Variants in TOP6BL observed in about 807,000 individuals in gnomAD.
TOP6BL encodes TOP6B like initiator of meiotic double strand breaks, also known as type 2 DNA topoisomerase 6 subunit B-like.
the TOP6BL span, chr11:66,761,788 C>A: frequency 1.2e-6 from 1 of 807,000 alleles, no homozygotes; most frequent in African/African-American, 1.7e-5. Context: ...CGCTGGTGGA[C>A]CAAAAGCTAA....
the TOP6BL span, among the ~76,000 whole-genome samples, chr11:66,760,177 C>T: frequency 2.0e-5 from 3 of 152,104 alleles, no homozygotes; most frequent in African/African-American, 7.2e-5. Context: ...TAGCCAGGCC[C>T]AGTGGCTCAT....
the TOP6BL span, chr11:66,828,484 C>A: frequency 1.5e-6 from 1 of 682,302 alleles, no homozygotes; most frequent in Admixed American, 2.5e-5. Context: ...AGCCTTTCAG[C>A]AAGGAAGTCT....
the TOP6BL span, among the ~76,000 whole-genome samples, chr11:66,745,130 T>A: frequency 6.6e-6 from 1 of 151,986 alleles, no homozygotes; most frequent in Non-Finnish European, 1.5e-5. Context: ...AACGACGCCC[T>A]CTCTCCAGCC....
the TOP6BL span, among the ~76,000 whole-genome samples, chr11:66,781,627 C>T: frequency 6.6e-6 from 1 of 152,116 alleles, no homozygotes; most frequent in African/African-American, 2.4e-5. Context: ...GCCTCCAACT[C>T]CTGGGCTCAA....
chr11:66,806,503 C>T, the TOP6BL span, among the ~76,000 whole-genome samples: 1 of 152,186 alleles, frequency 6.6e-6, no homozygotes, highest in Admixed American at 6.5e-5. Flanking sequence ...CACGGTGGCT[C>T]ATGCCTGTAA....
chr11:66,843,443 G>C, the TOP6BL span: 4 of 1,383,500 alleles, frequency 2.9e-6, no homozygotes, highest in Non-Finnish European at 2.8e-6. Context: ...TGCGCGCCGC[G>C]GGTCAGGGCG....
the TOP6BL span, among the ~76,000 whole-genome samples, chr11:66,810,906 T>C: frequency 2.6e-5 from 4 of 152,034 alleles, no homozygotes; most frequent in Non-Finnish European, 5.9e-5. Flanking sequence ...CAGGCTCCAA[T>C]TACACATTCC....
the TOP6BL span, among the ~76,000 whole-genome samples, chr11:66,766,748 T>TC: frequency 6.6e-6 from 1 of 152,232 alleles, no homozygotes; most frequent in Admixed American, 6.5e-5. Context: ...GACTTATTTT[T>TC]CCCCCTCTTG....
At chr11:66,801,152 G>A in the TOP6BL span, 45 of 1,554,914 alleles carry the variant, frequency 2.9e-5, 1 homozygote, top group East Asian at 9.2e-4. Flanking sequence ...CTCTCCTCTC[G>A]AGTACGAATG....
chr11:66,831,996 CAA>C, the TOP6BL span, among the ~76,000 whole-genome samples: 3 of 46,646 alleles, frequency 6.4e-5, no homozygotes, highest in Admixed American at 5.1e-4. Context: ...GACTCTGTCT[CAA>C]AAAAAAAAAA....
At chr11:66,784,314 T>C in the TOP6BL span, among the ~76,000 whole-genome samples, 3 of 152,164 alleles carry the variant, frequency 2.0e-5, no homozygotes, top group Non-Finnish European at 4.4e-5. Flanking sequence ...ATTACAGGCG[T>C]GAGCCACTGC....
the TOP6BL span, among the ~76,000 whole-genome samples, chr11:66,749,858 G>A: frequency 0.011 from 1,651 of 152,212 alleles, 37 homozygotes; most frequent in African/African-American, 0.037. Context: ...GATTACAAAC[G>A]TGAGCTACCG....
At chr11:66,751,747 ATATAGT>A in the TOP6BL span, among the ~76,000 whole-genome samples, 3 of 152,114 alleles carry the variant, frequency 2.0e-5, no homozygotes, top group South Asian at 4.1e-4. Context: ...CTTTCTTTTA[ATATAGT>A]TATAATTTTC....
the TOP6BL span, among the ~76,000 whole-genome samples, chr11:66,793,083 G>A: frequency 2.0e-5 from 3 of 148,244 alleles, no homozygotes; most frequent in Non-Finnish European, 3.0e-5. Flanking sequence ...CATCCATTTT[G>A]GTAATAATGT....
At chr11:66,823,946 G>T in the TOP6BL span, among the ~76,000 whole-genome samples, 1 of 152,138 alleles carries the variant, frequency 6.6e-6, no homozygotes, top group Non-Finnish European at 1.5e-5. Flanking sequence ...TACCTATTAC[G>T]TGTATGTGGC....
At chr11:66,795,553 C>T in the TOP6BL span, among the ~76,000 whole-genome samples, 2 of 152,144 alleles carry the variant, frequency 1.3e-5, no homozygotes, top group African/African-American at 2.4e-5. Flanking sequence ...TAGCCCACCT[C>T]GGCCTCCCAA....
chr11:66,748,156 G>A, the TOP6BL span, among the ~76,000 whole-genome samples: 3 of 151,936 alleles, frequency 2.0e-5, no homozygotes, highest in African/African-American at 7.3e-5. Context: ...TGTCTTACTG[G>A]GCATTATGTT....
At chr11:66,840,760 T>C in the TOP6BL span, among the ~76,000 whole-genome samples, 2 of 152,226 alleles carry the variant, frequency 1.3e-5, no homozygotes, top group South Asian at 2.1e-4. Flanking sequence ...TGTGCAAAAT[T>C]TGGCACTGTA....
chr11:66,822,164 T>C, the TOP6BL span, among the ~76,000 whole-genome samples: 2 of 152,316 alleles, frequency 1.3e-5, no homozygotes, highest in African/African-American at 4.8e-5. Context: ...CCTGATTTTC[T>C]ACATCCATCC....
Sources: gnomAD v4.1 joint callset for allele counts (sites outside exome capture counted in the v4.1 genomes callset) on GRCh38, gnomAD v4.1.1 for gene constraint, MANE v1.5 for transcripts, NCBI Gene and HGNC (gene_info 2026-07-23, HGNC 2026-07-21) for gene names.